Variants in CCBE1 observed in about 807,000 individuals in gnomAD.
The protein encoded by CCBE1 is collagen and calcium-binding EGF domain-containing protein 1.
CCBE1 carries 37 observed loss-of-function variants against 50.0 expected under a neutral mutation model. The observed-to-expected ratio is 0.74, with a 90% CI of 0.57 to 0.97. CCBE1 has a LOEUF of 0.97. Ranked by LOEUF, CCBE1 falls within the 50% of genes least tolerant of loss-of-function variation. The pLI is 0.00. For synonymous variants in CCBE1, 234 were observed against 203.7 expected, an observed-to-expected ratio of 1.15 and a Z score of -1.27; for missense variants, 538 against 523.8, an observed-to-expected ratio of 1.03 and a Z score of -0.26.
At chr18:59,478,132 A>G (rs971961933) in intron 3 of CCBE1, among the ~76,000 whole-genome samples, 6 of 152,084 alleles carry the variant, frequency 3.9e-5, no homozygotes, top group Non-Finnish European at 5.9e-5. Context: ...TGGCCAGCAG[A>G]TTCCAACTGC....
At chr18:59,632,389 C>T (rs914034932) in intron 2 of CCBE1, among the ~76,000 whole-genome samples, 5 of 151,996 alleles carry the variant, frequency 3.3e-5, no homozygotes, top group East Asian at 1.9e-4. Context: ...AAGCGATTCT[C>T]GTGCCTCAGC....
chr18:59,455,885 G>T (rs1171167008), intron 5 of CCBE1, among the ~76,000 whole-genome samples: 2 of 152,244 alleles, frequency 1.3e-5, no homozygotes, highest in African/African-American at 4.8e-5. Flanking sequence ...CTTTGGCGTT[G>T]GGCCAGGTTT....
At chr18:59,692,952 C>T (rs2054752551) in intron 2 of CCBE1, among the ~76,000 whole-genome samples, 1 of 105,016 alleles carries the variant, frequency 9.5e-6, no homozygotes, top group Admixed American at 1.1e-4. Context: ...TTTGTCAAGC[C>T]AAAGCACACA....
chr18:59,686,958 C>A (rs1291296333), intron 2 of CCBE1, among the ~76,000 whole-genome samples: 2 of 150,306 alleles, frequency 1.3e-5, no homozygotes, highest in Non-Finnish European at 3.0e-5. Flanking sequence ...TTGGGGGCAA[C>A]CTTGCCTCTA....
chr18:59,486,608 G>C (rs1406756001), intron 2 of CCBE1, among the ~76,000 whole-genome samples: 1 of 152,178 alleles, frequency 6.6e-6, no homozygotes, highest in African/African-American at 2.4e-5. Context: ...ATACCTGGGA[G>C]GCTCCAGGGG....
chr18:59,435,802 A>G lies in CCBE1; in HGVS notation c.*106T>C, dbSNP rs1038551771. On this transcript the variant is annotated 3_prime_UTR_variant, in exon 11 of 11. Coordinates refer to ENST00000439986, the MANE Select transcript of CCBE1 (RefSeq NM_133459.4). ...AGAGACGTCAGGAGAAGAGAAGAGA[A>G]AAATGTATGTTTTCTAGGTCTCCAG... The G allele has an allele frequency of 3.9e-6, 4 of 1,018,568 alleles. No individual in the cohort carries two copies. Among genetic ancestry groups the G allele is most frequent in the South Asian group, 2.6e-5 (2 of 78,262 alleles). The allele number at this position is 1,018,568 out of a possible 1,614,324, so 63.1% of individuals were successfully genotyped here. A position where few individuals can be genotyped will look rare whatever the true frequency, so the allele number is the denominator to read the frequency against.
chr18:59,469,542 A>G lies in CCBE1; in HGVS notation c.331T>C (p.Cys111Arg), dbSNP rs1423436816. ...TATCGGTATCCCGGATAACAAGTAC[A>G]CAGCACTCGGCCAAAGTTGTCCGTG... ...QCTDNFGRVLCTCYPGYRYDR... is the reference protein window; with the variant it reads ...QCTDNFGRVLRTCYPGYRYDR... Residue 111 changes from cysteine (C) to arginine (R), a missense_variant, in exon 4 of 11, where the codon TGT becomes CGT. Cys to Arg is a radical substitution (Grantham distance 180). Coordinates refer to ENST00000439986, the MANE Select transcript of CCBE1 (RefSeq NM_133459.4). The G allele has an allele frequency of 1.2e-6, 2 of 1,614,028 alleles. No individual in the cohort carries two copies. Among genetic ancestry groups the G allele is most frequent in the African/African-American group, 1.3e-5 (1 of 74,914 alleles).
Position 59,696,638 on chromosome 18 carries a change from G to A in CCBE1, c.203C>T (p.Thr68Ile), listed in dbSNP as rs768020965. The A allele has an allele frequency of 2.5e-6, 4 of 1,613,892 alleles. No individual in the cohort carries two copies. In the Admixed American group the frequency reaches 5.0e-5, roughly 20 times the overall value. The change falls in exon 2 of 11, where the codon ACA (threonine) becomes ATA (isoleucine). Residue 68 changes from threonine to isoleucine, a missense_variant. Transcript: ENST00000439986. ...GAGCCCCCAGGCTTACCTGTAGCAT[G>A]TGGTGAGCTCGCCTGAAGACTTCAG... Reference protein sequence around the residue: ...PCLKSSGELTTCYRKKCCKGY... With the variant: ...PCLKSSGELTICYRKKCCKGY...
At chr18:59,665,620 AG>A (rs1237443397) in intron 2 of CCBE1, among the ~76,000 whole-genome samples, 3 of 152,194 alleles carry the variant, frequency 2.0e-5, no homozygotes, top group Non-Finnish European at 1.5e-5. Flanking sequence ...TGTGGACAAG[AG>A]GAAAATGTGC....
intron 2 of CCBE1, among the ~76,000 whole-genome samples, chr18:59,690,642 T>C (rs1181701029): frequency 1.3e-5 from 2 of 152,144 alleles, no homozygotes; most frequent in African/African-American, 2.4e-5. Context: ...GCAACCAGAG[T>C]AGCAACTGGA....
chr18:59,545,386 C>T (rs549562283), intron 2 of CCBE1, among the ~76,000 whole-genome samples: 39 of 152,186 alleles, frequency 2.6e-4, no homozygotes, highest in South Asian at 1.9e-3. Context: ...TTCTCTATAT[C>T]GGTGTGAGCA....
intron 2 of CCBE1, among the ~76,000 whole-genome samples, chr18:59,551,548 A>T (rs1024427019): frequency 6.6e-6 from 1 of 152,240 alleles, no homozygotes; most frequent in African/African-American, 2.4e-5. Flanking sequence ...TTTCAGCTAC[A>T]TTATAACCTT....
chr18:59,624,132 A>G (rs1356598905), intron 2 of CCBE1, among the ~76,000 whole-genome samples: 1 of 152,208 alleles, frequency 6.6e-6, no homozygotes, highest in African/African-American at 2.4e-5. Flanking sequence ...TGCCTGCCCA[A>G]TTTGCAGAGC....
At chr18:59,576,325 T>C (rs1037735171) in intron 2 of CCBE1, among the ~76,000 whole-genome samples, 3 of 152,230 alleles carry the variant, frequency 2.0e-5, no homozygotes, top group Non-Finnish European at 4.4e-5. Flanking sequence ...AGTGTGAAAT[T>C]GAACTTCATA....
chr18:59,584,042 C>G (rs566099208), intron 2 of CCBE1, among the ~76,000 whole-genome samples: 59 of 152,188 alleles, frequency 3.9e-4, no homozygotes, highest in African/African-American at 1.4e-3. Flanking sequence ...TATAAAGACA[C>G]ATGCACACGT....
intron 2 of CCBE1, among the ~76,000 whole-genome samples, chr18:59,684,625 G>C (rs2054633846): frequency 6.6e-6 from 1 of 152,192 alleles, no homozygotes; most frequent in African/African-American, 2.4e-5. Flanking sequence ...ACAAAATGCA[G>C]TTGCATTTCC....
intron 2 of CCBE1, among the ~76,000 whole-genome samples, chr18:59,555,771 C>T (rs2000892): frequency 0.8 from 120,960 of 151,764 alleles, 48,753 homozygotes; most frequent in African/African-American, 0.92. Flanking sequence ...TGCTGCCATA[C>T]CACATAAGAA....
At chr18:59,678,530 T>G (rs2054539790) in intron 2 of CCBE1, among the ~76,000 whole-genome samples, 1 of 149,452 alleles carries the variant, frequency 6.7e-6, no homozygotes, top group Non-Finnish European at 1.5e-5. Context: ...CCTTTTATAT[T>G]TAAAAAATTA....
intron 2 of CCBE1, among the ~76,000 whole-genome samples, chr18:59,504,320 A>G (rs1005814932): frequency 1.3e-5 from 2 of 152,122 alleles, no homozygotes; most frequent in African/African-American, 4.8e-5. Context: ...ATTCCACCCA[A>G]AAGTATTTTC....
Sources: allele counts gnomAD v4.1 joint callset (sites outside exome capture counted in the v4.1 genomes callset), GRCh38; gene constraint gnomAD v4.1.1; transcripts MANE v1.5; gene names NCBI Gene and HGNC (gene_info 2026-07-23, HGNC 2026-07-21).